RFX8: variants seen among roughly 807,000 people sequenced by gnomAD.
RFX8 encodes regulatory factor X8.
A neutral mutation model predicts 54.6 loss-of-function variants in RFX8; 46 were observed. The ratio of observed to expected loss-of-function variants is 0.84; its 90% CI spans 0.67 to 1.08. RFX8 has a LOEUF of 1.08. Ranked by LOEUF, RFX8 falls within the 50% of genes least tolerant of loss-of-function variation. RFX8 has a pLI of 0.00. For missense variants in RFX8, 536 were observed against 562.3 expected (o/e 0.95, Z 0.47); for synonymous variants, 192 against 209.5 (o/e 0.92, Z 0.72).
intron 2 of RFX8, among the ~76,000 whole-genome samples, chr2:101,455,038 G>C (rs1213367863): frequency 7.6e-6 from 1 of 131,834 alleles, no homozygotes; most frequent in Non-Finnish European, 1.6e-5. Context: ...TTTTGAGACA[G>C]AGTTTCACTC....
At chr2:101,446,229 G>A (rs1688367816) in intron 2 of RFX8, among the ~76,000 whole-genome samples, 1 of 152,172 alleles carries the variant, frequency 6.6e-6, no homozygotes, top group Non-Finnish European at 1.5e-5. Flanking sequence ...AGGCTGGAGT[G>A]CAGTGGCGTG....
chr2:101,474,552 G>C (rs1690206716), intron 1 of RFX8, 84 bp downstream of exon 1: 1 of 299,822 alleles, frequency 3.3e-6, no homozygotes, highest in Non-Finnish European at 6.1e-6. Flanking sequence ...GTGGGCTGGA[G>C]CTGCCTCCCG....
chr2:101,442,923 AG>A (rs1688174142), intron 2 of RFX8, among the ~76,000 whole-genome samples: 1 of 152,066 alleles, frequency 6.6e-6, no homozygotes. Flanking sequence ...CTGGACCAAG[AG>A]GCTTGTTGAA....
rs1686082526 is a variant in RFX8, at chr2:101,410,834, A to C, written c.719-121T>G. The C allele has an allele frequency of 8.1e-6, 5 of 616,864 alleles. 1 individual carries two copies. The South Asian group carries it at 1.0e-4, about 13-fold the overall frequency. 38.2% of individuals were successfully genotyped at this position (616,864 alleles called of 1,614,324 possible). ...GAACAATAGCTCGAAGGGACTCCCC[A>C]GGGCCTCATGCTCATTGTGAACACA... On this transcript the variant is annotated intron_variant, in intron 8 of 11. Coordinates refer to ENST00000428343, the MANE Select transcript of RFX8 (RefSeq NM_001145664.2).
intron 1 of RFX8, among the ~76,000 whole-genome samples, chr2:101,469,153 T>TATAC (rs1301921039): frequency 1.9e-4 from 25 of 132,962 alleles, no homozygotes; most frequent in African/African-American, 7.1e-4. Context: ...TATATATATA[T>TATAC]ACACACACAC....
intron 2 of RFX8, among the ~76,000 whole-genome samples, chr2:101,445,039 T>C (rs1477459744): frequency 6.6e-6 from 1 of 152,206 alleles, no homozygotes; most frequent in Non-Finnish European, 1.5e-5. Context: ...TAGTATTGCA[T>C]AGTGTGCTGC....
intron 6 of RFX8, among the ~76,000 whole-genome samples, chr2:101,415,226 G>GC (rs1686422450): frequency 3.9e-5 from 6 of 152,162 alleles, no homozygotes; most frequent in Non-Finnish European, 8.8e-5. Flanking sequence ...GTGTTAGGAA[G>GC]TGGGGCCTTG....
chr2:101,440,552 GTGAACTTTGTA>G (rs999948263), intron 2 of RFX8, among the ~76,000 whole-genome samples: 2 of 152,210 alleles, frequency 1.3e-5, no homozygotes, highest in Non-Finnish European at 2.9e-5. Context: ...TGGGGGAGGA[GTGAACTTTGTA>G]TGATCCCTCA....
At chr2:101,469,494 A>G (rs1259089816) in intron 1 of RFX8, among the ~76,000 whole-genome samples, 1 of 152,036 alleles carries the variant, frequency 6.6e-6, no homozygotes. Flanking sequence ...ATATATGAAA[A>G]ACTCACTATT....
intron 4 of RFX8, among the ~76,000 whole-genome samples, chr2:101,420,376 C>G (rs1329343295): frequency 1.3e-5 from 2 of 152,052 alleles, no homozygotes; most frequent in Non-Finnish European, 2.9e-5. Context: ...AACCCCGTCT[C>G]TACTAAAAAT....
At chr2:101,450,804 T>A in intron 2 of RFX8, 2 of 618,820 alleles carry the variant, frequency 3.2e-6, no homozygotes, top group South Asian at 4.0e-5. Context: ...TGGCTGCATT[T>A]CTCTGGAAAA....
chr2:101,469,537 C>T (rs185346066), intron 1 of RFX8, among the ~76,000 whole-genome samples: 14 of 151,988 alleles, frequency 9.2e-5, no homozygotes, highest in South Asian at 2.1e-4. Context: ...TGGCTAAATC[C>T]GGGAAACTGT....
chr2:101,461,212 G>T (rs569910088), intron 2 of RFX8, among the ~76,000 whole-genome samples: 1 of 137,028 alleles, frequency 7.3e-6, no homozygotes, highest in African/African-American at 2.8e-5. Flanking sequence ...GCAGTGAGCC[G>T]AGATCACGCC....
chr2:101,451,165 T>C (rs1279914244), intron 2 of RFX8, among the ~76,000 whole-genome samples: 1 of 152,128 alleles, frequency 6.6e-6, no homozygotes, highest in Non-Finnish European at 1.5e-5. Context: ...TTGTCCCGGC[T>C]TCAGACAAAA....
chr2:101,413,041 G>A lies in RFX8; in HGVS notation c.592C>T (p.Arg198Cys), dbSNP rs1490401164. The part of the protein sequence containing the change: ...TMRMVLKSKR[R>C]VSVLKSDLQA... ...AGATCTGACTTCAAAACGCTGACAC[G>A]CCTCTTACTTTTCAATACCATTCGC... is the stretch of plus-strand genomic sequence containing the variant. The change falls in exon 8 of 12, where the codon CGT (arginine) becomes TGT (cysteine). Residue 198 changes from arginine to cysteine, a missense_variant. Coordinates refer to ENST00000428343, the MANE Select transcript of RFX8 (RefSeq NM_001145664.2). 1.9e-6 allele frequency: 3 copies of A among 1,551,814 alleles called. No individual in the cohort carries two copies. Among genetic ancestry groups the A allele is most frequent in the African/African-American group, 2.7e-5 (2 of 73,010 alleles).
intron 11 of RFX8, among the ~76,000 whole-genome samples, chr2:101,401,792 C>T (rs1186064901): frequency 6.6e-6 from 1 of 152,120 alleles, no homozygotes; most frequent in Non-Finnish European, 1.5e-5. Flanking sequence ...GAAGAATGGA[C>T]TTGAGATCAG....
intron 2 of RFX8, among the ~76,000 whole-genome samples, chr2:101,426,547 G>A (rs1429797737): frequency 6.6e-6 from 1 of 151,960 alleles, no homozygotes; most frequent in Non-Finnish European, 1.5e-5. Context: ...AATAAATACT[G>A]CATAATGACA....
At chr2:101,467,392 C>T (rs187892678) in intron 1 of RFX8, among the ~76,000 whole-genome samples, 269 of 152,316 alleles carry the variant, frequency 1.8e-3, no homozygotes, top group Middle Eastern at 3.4e-3. Context: ...CCTCTCTGAT[C>T]CCTGTTCCTC....
At chr2:101,439,727 T>C (rs1225721777) in intron 2 of RFX8, among the ~76,000 whole-genome samples, 1 of 152,052 alleles carries the variant, frequency 6.6e-6, no homozygotes, top group Non-Finnish European at 1.5e-5. Flanking sequence ...TTTTTTTTTT[T>C]TTGAGATGGA....
Sources: gnomAD v4.1 joint callset for allele counts (sites outside exome capture counted in the v4.1 genomes callset) on GRCh38, gnomAD v4.1.1 for gene constraint, MANE v1.5 for transcripts, NCBI Gene and HGNC (gene_info 2026-07-23, HGNC 2026-07-21) for gene names.